MARK1: variants seen among roughly 807,000 people sequenced by gnomAD.
MARK1 encodes the protein serine/threonine-protein kinase MARK1.
A neutral mutation model predicts 96.3 loss-of-function variants in MARK1; 40 were observed. The observed-to-expected ratio is 0.42, with a 90% CI of 0.32 to 0.54. MARK1 has a LOEUF of 0.54. Ranked by LOEUF, MARK1 falls within the 20% of genes least tolerant of loss-of-function variation. The pLI, the probability that MARK1 is intolerant of heterozygous loss-of-function variation, is 0.16. For synonymous variants in MARK1, 317 were observed against 341.2 expected, an observed-to-expected ratio of 0.93 and a Z score of 0.78; for missense variants, 719 against 984.6, an observed-to-expected ratio of 0.73 and a Z score of 3.61.
intron 16 of MARK1, among the ~76,000 whole-genome samples, chr1:220,656,445 A>G (rs1039493450): frequency 3.3e-5 from 5 of 152,200 alleles, no homozygotes; most frequent in Admixed American, 6.5e-5. Flanking sequence ...CATAATATAA[A>G]TAGGACAGAA....
intron 1 of MARK1, among the ~76,000 whole-genome samples, chr1:220,558,224 T>A (rs1662422170): frequency 2.7e-5 from 4 of 150,222 alleles, no homozygotes; most frequent in Admixed American, 6.7e-5. Flanking sequence ...TTCTGAGGTC[T>A]TCAGTTATTG....
intron 3 of MARK1, among the ~76,000 whole-genome samples, chr1:220,583,594 C>G (rs1327986808): frequency 6.6e-6 from 1 of 151,218 alleles, no homozygotes; most frequent in Non-Finnish European, 1.5e-5. Flanking sequence ...TTAGTTCTAC[C>G]TCATAGAATA....
chr1:220,579,472 T>A lies in MARK1; in HGVS notation c.170T>A (p.Ile57Asn). Residue 57 changes from isoleucine (I) to asparagine (N), a missense_variant, in exon 2 of 18, where the codon ATT becomes AAT. Around this residue, in one of 4 missense-constraint regions of MARK1, gnomAD observed 105 missense variants for 133.4 expected, o/e 0.79. Transcript: ENST00000366917. ...TCAGCAACAGATGAACAGCCTCACA[T>A]TGGAAATTACCGTTTACAAAAAACA... is the stretch of plus-strand genomic sequence containing the variant. ...ITSATDEQPHIGNYRLQKTIG... is the reference protein window; with the variant it reads ...ITSATDEQPHNGNYRLQKTIG... 1 of 1,614,082 alleles carries A rather than the reference T, an allele frequency of 6.2e-7. No individual in the cohort carries two copies. The highest frequency in any genetic ancestry group is 8.5e-7 in the Non-Finnish European group (1 of 1,179,978).
At chr1:220,545,658 C>A (rs749749456) in intron 1 of MARK1, among the ~76,000 whole-genome samples, 2 of 151,858 alleles carry the variant, frequency 1.3e-5, no homozygotes, top group Admixed American at 6.6e-5. Flanking sequence ...AGGCTGGTTT[C>A]GAACTCTTGG....
intron 13 of MARK1, among the ~76,000 whole-genome samples, chr1:220,643,444 G>A (rs1668395230): frequency 6.6e-6 from 1 of 151,106 alleles, no homozygotes; most frequent in Non-Finnish European, 1.5e-5. Context: ...CTATGTAAAA[G>A]GACTGATTGG....
At chr1:220,661,745 T>G in intron 17 of MARK1, 67 bp from the exon 18 acceptor site, 2 of 1,184,252 alleles carry the variant, frequency 1.7e-6, no homozygotes, top group South Asian at 3.1e-5. Flanking sequence ...AGATTTTATG[T>G]GTGTTTTGAT....
At chr1:220,616,115 G>A in intron 7 of MARK1, 120 bp downstream of exon 7, 1 of 428,238 alleles carries the variant, frequency 2.3e-6, no homozygotes, top group Non-Finnish European at 4.1e-6. Context: ...TATACAAGTA[G>A]TTAGTTTTTG....
chr1:220,554,258 A>G (rs1448453502), intron 1 of MARK1, among the ~76,000 whole-genome samples: 1 of 152,148 alleles, frequency 6.6e-6, no homozygotes, highest in Non-Finnish European at 1.5e-5. Context: ...GTGTAATGTC[A>G]TCAATATAAT....
At chr1:220,601,899 C>T (rs1017938771) in intron 5 of MARK1, among the ~76,000 whole-genome samples, 2 of 152,070 alleles carry the variant, frequency 1.3e-5, no homozygotes, top group African/African-American at 4.8e-5. Flanking sequence ...TCAGACCACA[C>T]CAGCCAGTCT....
chr1:220,554,447 A>G (rs1003771452), intron 1 of MARK1, among the ~76,000 whole-genome samples: 3 of 152,146 alleles, frequency 2.0e-5, no homozygotes, highest in Non-Finnish European at 4.4e-5. Flanking sequence ...GAGGCTAGGG[A>G]TGCTGTTACA....
At chr1:220,559,895 A>T (rs56141345) in intron 1 of MARK1, among the ~76,000 whole-genome samples, 142,848 of 152,150 alleles carry the variant, frequency 0.94, 67,773 homozygotes, top group East Asian at 1. Context: ...TGTACAGTAG[A>T]ACATACTTGG....
intron 1 of MARK1, among the ~76,000 whole-genome samples, chr1:220,538,143 G>A (rs36164303): frequency 0.18 from 27,654 of 150,140 alleles, 3,224 homozygotes; most frequent in East Asian, 0.35. Context: ...TAGACATGAA[G>A]TCCTTGCCCA....
At chr1:220,644,100 C>T (rs967901190) in intron 13 of MARK1, among the ~76,000 whole-genome samples, 1 of 152,030 alleles carries the variant, frequency 6.6e-6, no homozygotes, top group African/African-American at 2.4e-5. Context: ...GAGCTGAATA[C>T]CCCAATTAAA....
chr1:220,530,545 C>G lies in MARK1; in HGVS notation c.51+1672C>G, dbSNP rs1660249569. On this transcript the variant is annotated intron_variant, in intron 1 of 17. Transcript: ENST00000366917. Reference sequence around the variant, plus strand: ...TGGAAAAATACATTGTTTTTATTTTCTTTTAGATTTTGAATAGTATAGCTT... The same window carrying G: ...TGGAAAAATACATTGTTTTTATTTTGTTTTAGATTTTGAATAGTATAGCTT... Among the ~76,000 whole-genome samples, 3 of 152,090 alleles carry G rather than the reference C, an allele frequency of 2.0e-5. No homozygotes were observed. The South Asian group carries it at 6.2e-4, about 32-fold the overall frequency.
At chr1:220,534,124 G>T (rs978279934) in intron 1 of MARK1, among the ~76,000 whole-genome samples, 28 of 151,444 alleles carry the variant, frequency 1.8e-4, no homozygotes, top group African/African-American at 6.1e-4. Flanking sequence ...TGGTAAGGTG[G>T]CAATTTTATT....
At chr1:220,537,168 A>G (rs1558242593) in intron 1 of MARK1, among the ~76,000 whole-genome samples, 3 of 149,460 alleles carry the variant, frequency 2.0e-5, no homozygotes, top group Admixed American at 1.3e-4. Context: ...TACATGTGCC[A>G]TGCTGGTGTG....
In MARK1 at chr1:220,545,439, G is replaced by GTTTT. The variant is rs35422682; in HGVS notation, c.51+16586_51+16589dup. Among the ~76,000 whole-genome samples, 721 of 87,192 alleles carry GTTTT rather than the reference G, an allele frequency of 8.3e-3. 23 individuals are homozygous for GTTTT. The highest frequency in any genetic ancestry group is 0.027 in the African/African-American group (602 of 22,282). 57.2% of individuals were successfully genotyped at this position (87,192 alleles called of 152,430 possible). On this transcript the variant is annotated intron_variant, in intron 1 of 17. Transcript: ENST00000366917. ...AAATTCAGTGGGCTGCTTTCTCATGGTTTTTTTTTTTTTTTTTTTTTTTGA... is the reference window on the plus strand; with the variant it reads ...AAATTCAGTGGGCTGCTTTCTCATGGTTTTTTTTTTTTTTTTTTTTTTTTTTTGA...
chr1:220,647,253 C>T (rs1053505965), intron 13 of MARK1, among the ~76,000 whole-genome samples: 2 of 152,150 alleles, frequency 1.3e-5, no homozygotes, highest in Non-Finnish European at 2.9e-5. Context: ...CATAAACAGA[C>T]ATTTCTCAAA....
intron 1 of MARK1, among the ~76,000 whole-genome samples, chr1:220,532,601 G>T (rs1660390663): frequency 6.6e-6 from 1 of 152,164 alleles, no homozygotes; most frequent in Non-Finnish European, 1.5e-5. Context: ...CCTACCCAAG[G>T]TTAATAATTC....
Sources: gnomAD v4.1 joint callset for allele counts (sites outside exome capture counted in the v4.1 genomes callset) on GRCh38, gnomAD v4.1.1 for gene constraint, gnomAD v4.1.1 regional missense constraint, MANE v1.5 for transcripts, NCBI Gene and HGNC (gene_info 2026-07-23, HGNC 2026-07-21) for gene names.